SLC36A4: variants seen among roughly 807,000 people sequenced by gnomAD.
SLC36A4 encodes neutral amino acid uniporter 4.
A neutral mutation model predicts 50.5 loss-of-function variants in SLC36A4; 49 were observed. The observed-to-expected ratio is 0.97, with a 90% CI of 0.77 to 1.23. The LOEUF is 1.23. Among genes scored for constraint, SLC36A4 ranks in the 50% most tolerant of loss-of-function variants. The pLI, the probability that SLC36A4 is intolerant of heterozygous loss-of-function variation, is 0.00. For missense variants in SLC36A4, 611 were observed against 608.4 expected (o/e 1.00, Z -0.05); for synonymous variants, 207 against 206.5 (o/e 1.00, Z -0.02).
intron 8 of SLC36A4, among the ~76,000 whole-genome samples, chr11:93,164,191 C>T (rs1324024045): frequency 6.6e-6 from 1 of 152,152 alleles, no homozygotes; most frequent in Non-Finnish European, 1.5e-5. Flanking sequence ...GAAGTATATG[C>T]ATGTATACTA....
At chr11:93,158,663 G>A (rs938963340) in intron 9 of SLC36A4, among the ~76,000 whole-genome samples, 2 of 152,016 alleles carry the variant, frequency 1.3e-5, no homozygotes, top group Non-Finnish European at 2.9e-5. Flanking sequence ...TTATTTCTAT[G>A]TTTGGAATCT....
Position 93,154,093 on chromosome 11 carries a change from T to C in SLC36A4, c.1207+15A>G. On this transcript the variant is annotated intron_variant, in intron 10 of 10. Coordinates refer to ENST00000326402, the MANE Select transcript of SLC36A4 (RefSeq NM_152313.4). ...ATAAAAAATTATTATGATATAAATA[T>C]ATAATGATACTTACAAGTAATACTA... 1 of 1,255,274 alleles carries C rather than the reference T, an allele frequency of 8.0e-7. No homozygotes were observed. 77.8% of individuals were successfully genotyped at this position (1,255,274 alleles called of 1,614,324 possible). A position where few individuals can be genotyped will look rare whatever the true frequency, so the allele number is the denominator to read the frequency against.
At chr11:93,180,070 T>G in intron 6 of SLC36A4, 1 of 944,436 alleles carries the variant, frequency 1.1e-6, no homozygotes, top group African/African-American at 1.8e-5. Context: ...ATCCTATATA[T>G]TACTATGTAA....
chr11:93,193,882 C>T (rs1565242743), intron 1 of SLC36A4, among the ~76,000 whole-genome samples: 1 of 152,098 alleles, frequency 6.6e-6, no homozygotes, highest in South Asian at 2.1e-4. Context: ...GGATTTTGCA[C>T]AAGAATGTTC....
At chr11:93,197,182 T>A (rs958930361) in intron 1 of SLC36A4, 1 of 153,068 alleles carries the variant, frequency 6.5e-6, no homozygotes, top group African/African-American at 2.4e-5. Flanking sequence ...TTTACCACCC[T>A]GATCCTTACT....
At chr11:93,180,474 T>C in intron 6 of SLC36A4, 1 of 296,446 alleles carries the variant, frequency 3.4e-6, no homozygotes, top group Non-Finnish European at 5.0e-6. Flanking sequence ...CTTTAAACAA[T>C]GTCAATGTAA....
chr11:93,169,450 T>C (rs1195684992), intron 6 of SLC36A4, among the ~76,000 whole-genome samples: 1 of 152,140 alleles, frequency 6.6e-6, no homozygotes, highest in Non-Finnish European at 1.5e-5. Flanking sequence ...CATATCTCTC[T>C]CTAAATGTAG....
Position 93,147,798 on chromosome 11 carries a change from A to AAGTTACTT in SLC36A4, c.*731_*738dup, listed in dbSNP as rs1366262649. The AAGTTACTT allele has an allele frequency of 3.3e-5, 5 of 152,090 alleles. No individual in the cohort carries two copies. Among genetic ancestry groups the AAGTTACTT allele is most frequent in the Admixed American group, 1.3e-4 (2 of 15,240 alleles). The allele number at this position is 152,090 out of a possible 1,614,324, so 9.4% of individuals were successfully genotyped here. ...ATCTCAAGGCTGAGTGGTCTCGACC[A>AAGTTACTT]AGTTACTTAACCTTTCTAGGCCTCC... On this transcript the variant is annotated 3_prime_UTR_variant, in exon 11 of 11. Coordinates refer to ENST00000326402, the MANE Select transcript of SLC36A4 (RefSeq NM_152313.4).
chr11:93,192,453 T>C (rs1862253406), intron 1 of SLC36A4, among the ~76,000 whole-genome samples: 1 of 152,134 alleles, frequency 6.6e-6, no homozygotes, highest in Non-Finnish European at 1.5e-5. Context: ...TAGACCATTC[T>C]ACGTGACATG....
Position 93,147,803 on chromosome 11 carries a change from A to G in SLC36A4, c.*734T>C, listed in dbSNP as rs1859897894. 1.3e-5 allele frequency: 2 copies of G among 152,098 alleles called. No individual in the cohort carries two copies. Among genetic ancestry groups the G allele is most frequent in the Non-Finnish European group, 2.9e-5 (2 of 67,994 alleles). 9.4% of individuals were successfully genotyped at this position (152,098 alleles called of 1,614,324 possible). A position where few individuals can be genotyped will look rare whatever the true frequency, so the allele number is the denominator to read the frequency against. On this transcript the variant is annotated 3_prime_UTR_variant, in exon 11 of 11. Transcript: ENST00000326402. Reference sequence around the variant, plus strand: ...AAGGCTGAGTGGTCTCGACCAAGTTACTTAACCTTTCTAGGCCTCCTTTTC... The same window carrying G: ...AAGGCTGAGTGGTCTCGACCAAGTTGCTTAACCTTTCTAGGCCTCCTTTTC...
chr11:93,186,485 AT>A (rs1457826202), intron 1 of SLC36A4, among the ~76,000 whole-genome samples: 1 of 151,766 alleles, frequency 6.6e-6, no homozygotes, highest in Non-Finnish European at 1.5e-5. Flanking sequence ...TTGCCATTAT[AT>A]TTTTTATGAT....
rs553394554 is a variant in SLC36A4 at position 93,188,660 on chromosome 11, A to T, written c.56-2846T>A. 8.5e-5 allele frequency among the ~76,000 whole-genome samples: 13 copies of T among 152,298 alleles called. No homozygotes were observed. The East Asian group carries it at 2.5e-3, about 29-fold the overall frequency. On this transcript the variant is annotated intron_variant, in intron 1 of 10. Transcript: ENST00000326402. ...TTTCCCCAGTATTAGGTCTACTGGG[A>T]TATCTACTATCTCACATTTACTCTA...
At chr11:93,186,040 T>G (rs777612261) in intron 1 of SLC36A4, among the ~76,000 whole-genome samples, 21 of 152,204 alleles carry the variant, frequency 1.4e-4, no homozygotes, top group Non-Finnish European at 2.9e-4. Flanking sequence ...GGTGAAAGCT[T>G]AAATATTAAA....
chr11:93,161,722 T>C (rs1342358396), intron 9 of SLC36A4, among the ~76,000 whole-genome samples: 1 of 152,204 alleles, frequency 6.6e-6, no homozygotes, highest in East Asian at 1.9e-4. Context: ...GTAGCTAAAG[T>C]AGTAGTGTGA....
intron 6 of SLC36A4, chr11:93,170,154 C>A (rs1272650063): frequency 1.3e-5 from 2 of 152,018 alleles, no homozygotes; most frequent in East Asian, 3.8e-4. Flanking sequence ...TTGGTGCCCT[C>A]TAGAGACAGA....
intron 9 of SLC36A4, chr11:93,154,478 A>T (rs1331312652): frequency 3.6e-6 from 1 of 278,528 alleles, no homozygotes; most frequent in Non-Finnish European, 6.6e-6. Context: ...TCATTTTCAC[A>T]AGACTGGAAA....
intron 6 of SLC36A4, among the ~76,000 whole-genome samples, chr11:93,177,904 A>G (rs755432587): frequency 6.6e-6 from 1 of 152,228 alleles, no homozygotes. Flanking sequence ...CAAAGCTGTC[A>G]GAGAGGAATG....
intron 2 of SLC36A4, among the ~76,000 whole-genome samples, chr11:93,184,935 G>A (rs535853491): frequency 2.1e-4 from 32 of 152,162 alleles, no homozygotes; most frequent in African/African-American, 7.2e-4. Context: ...GCAATGTATT[G>A]ACACTACCTA....
rs1247325149 is a variant in SLC36A4 at position 93,192,561 on chromosome 11, A to G, written c.55+5217T>C. ...TTTTGTAGTAACTTTTTTACAAAGA[A>G]AAAAGGAACAGGTGAAATTAATTTT... is the stretch of plus-strand genomic sequence containing the variant. On this transcript the variant is annotated intron_variant, in intron 1 of 10. Transcript: ENST00000326402. Among the ~76,000 whole-genome samples the G allele has an allele frequency of 3.9e-5, 6 of 152,336 alleles. No homozygotes were observed. In the East Asian group the frequency reaches 9.6e-4, roughly 24 times the overall value.
Sources: allele counts gnomAD v4.1 joint callset (sites outside exome capture counted in the v4.1 genomes callset), GRCh38; gene constraint gnomAD v4.1.1; transcripts MANE v1.5; gene names NCBI Gene and HGNC (gene_info 2026-07-23, HGNC 2026-07-21).